CYTH3: variants seen among roughly 807,000 people sequenced by gnomAD.
CYTH3 encodes cytohesin 3, also known as cytohesin-3.
CYTH3 carries 23 observed loss-of-function variants against 55.1 expected under a neutral mutation model. The observed-to-expected ratio is 0.42, with a 90% CI of 0.30 to 0.59. CYTH3 has a LOEUF of 0.59. Ranked by LOEUF, CYTH3 falls within the 20% of genes least tolerant of loss-of-function variation. The probability of loss-of-function intolerance (pLI) is 0.20; values close to 1 mark genes in which losing one functional copy is unlikely to be tolerated. For missense variants in CYTH3, 413 were observed against 524.8 expected, an observed-to-expected ratio of 0.79 and a Z score of 2.08; for synonymous variants, 249 against 194.9, an observed-to-expected ratio of 1.28 and a Z score of -2.31.
chr7:6,232,789 G>A lies in CYTH3; in HGVS notation c.34+39685C>T, dbSNP rs566870387. On this transcript the variant is annotated intron_variant, in intron 1 of 12. Transcript: ENST00000350796. ...GCTCTCTGTACTTCCTGTAGGTTCT[G>A]TAACTTCCCCCACACCCTTCCAATG... is the stretch of plus-strand genomic sequence containing the variant. 8.5e-5 allele frequency among the ~76,000 whole-genome samples: 13 copies of A among 152,232 alleles called. No homozygotes were observed. The East Asian group carries it at 2.3e-3, about 27-fold the overall frequency.
Position 6,205,256 on chromosome 7 carries a change from A to G in CYTH3, c.35-14725T>C, listed in dbSNP as rs139010953. On this transcript the variant is annotated intron_variant, in intron 1 of 12. Coordinates refer to ENST00000350796, the MANE Select transcript of CYTH3 (RefSeq NM_004227.4). ...ATTCTAAATAAATCATTGGTCAAAG[A>G]TAACAACGTAATGTAAATTAGAAAA... Among the ~76,000 whole-genome samples, 134 of 152,332 alleles carry G rather than the reference A, an allele frequency of 8.8e-4. No homozygotes were observed. In the East Asian group the frequency reaches 0.022, roughly 25 times the overall value.
At chr7:6,211,681 T>C (rs890125470) in intron 1 of CYTH3, among the ~76,000 whole-genome samples, 7 of 152,184 alleles carry the variant, frequency 4.6e-5, no homozygotes, top group Admixed American at 1.3e-4. Context: ...TTATTGACTA[T>C]AGTTACCCTG....
intron 1 of CYTH3, among the ~76,000 whole-genome samples, chr7:6,203,604 C>T (rs980344825): frequency 3.9e-5 from 6 of 152,148 alleles, no homozygotes; most frequent in Non-Finnish European, 7.3e-5. Flanking sequence ...TCGATGGTGA[C>T]AGCACTGTGT....
intron 9 of CYTH3, among the ~76,000 whole-genome samples, chr7:6,166,081 C>T (rs1336691945): frequency 1.3e-5 from 2 of 152,142 alleles, no homozygotes; most frequent in African/African-American, 4.8e-5. Flanking sequence ...GGATGGATGG[C>T]GTCATTTTCC....
intron 1 of CYTH3, among the ~76,000 whole-genome samples, chr7:6,218,534 G>C (rs1760696159): frequency 6.6e-6 from 1 of 152,194 alleles, no homozygotes; most frequent in Admixed American, 6.5e-5. Flanking sequence ...AAAATGTGTG[G>C]TAACTTATTA....
rs1783101376 is a variant in CYTH3, at chr7:6,169,286, T to G, written c.823+1249A>C. 6.6e-6 allele frequency among the ~76,000 whole-genome samples: 1 copy of G among 152,118 alleles called. No homozygotes were observed. The highest frequency in any genetic ancestry group is 1.5e-5 in the Non-Finnish European group (1 of 68,014). On this transcript the variant is annotated intron_variant, in intron 9 of 12. Coordinates refer to ENST00000350796, the MANE Select transcript of CYTH3 (RefSeq NM_004227.4). The surrounding 1 kb of genome is among the most constrained non-coding windows in gnomAD (Gnocchi z 4.1). ...CCGAGGTGGGAGAGCAGTGGCACAG[T>G]CATGGTTCATTGGAGCCTCAACCTC...
Position 6,165,253 on chromosome 7 carries a change from G to A in CYTH3, c.1127+20C>T, listed in dbSNP as rs779983703. ...GGCACGAGAAGACGGGCCTGGCCCCGCCCCCGAGGCCCCACTCACTTGATG... is the reference window on the plus strand; with the variant it reads ...GGCACGAGAAGACGGGCCTGGCCCCACCCCCGAGGCCCCACTCACTTGATG... On this transcript the variant is annotated intron_variant, in intron 12 of 12. Transcript: ENST00000350796. The A allele has an allele frequency of 4.8e-5, 77 of 1,597,258 alleles. 1 individual carries two copies. The highest frequency in any genetic ancestry group is 3.6e-4 in the East Asian group (16 of 44,622).
At chr7:6,203,879 C>T (rs147549218) in intron 1 of CYTH3, among the ~76,000 whole-genome samples, 1,926 of 152,054 alleles carry the variant, frequency 0.013, 36 homozygotes, top group African/African-American at 0.044. Context: ...CCACCATGCC[C>T]GGCTAATTTT....
chr7:6,261,249 A>T (rs1463946064), intron 1 of CYTH3, among the ~76,000 whole-genome samples: 1 of 152,156 alleles, frequency 6.6e-6, no homozygotes, highest in African/African-American at 2.4e-5. Context: ...AGAATCCAAG[A>T]AGGTCAGCAG....
chr7:6,257,927 G>A (rs1780172440), intron 1 of CYTH3, among the ~76,000 whole-genome samples: 1 of 152,108 alleles, frequency 6.6e-6, no homozygotes, highest in African/African-American at 2.4e-5. Context: ...CAGGGTGTGG[G>A]CTTGGAAATG....
intron 5 of CYTH3, among the ~76,000 whole-genome samples, chr7:6,174,688 C>T (rs994860923): frequency 6.6e-6 from 1 of 151,936 alleles, no homozygotes; most frequent in African/African-American, 2.4e-5. Context: ...GCTGGGACTA[C>T]AGGCACCCGC....
intron 1 of CYTH3, among the ~76,000 whole-genome samples, chr7:6,198,643 G>GT (rs113787912): frequency 0.027 from 4,167 of 152,084 alleles, 196 homozygotes; most frequent in African/African-American, 0.095. Context: ...AGGTCAAGTG[G>GT]TTTTTTCCTC....
intron 2 of CYTH3, 46 bp from the exon 3 acceptor site, chr7:6,187,767 T>C: frequency 6.6e-7 from 1 of 1,507,950 alleles, no homozygotes; most frequent in Non-Finnish European, 9.2e-7. Context: ...GTCTTAACCT[T>C]CCTCCCCTGA....
chr7:6,181,905 A>C (rs1421819001), intron 4 of CYTH3, among the ~76,000 whole-genome samples: 1 of 152,154 alleles, frequency 6.6e-6, no homozygotes, highest in Non-Finnish European at 1.5e-5. Flanking sequence ...TTTCATTTCC[A>C]AGGTTCTTTT....
At chr7:6,242,367 C>T (rs1185093078) in intron 1 of CYTH3, among the ~76,000 whole-genome samples, 1 of 138,682 alleles carries the variant, frequency 7.2e-6, no homozygotes, top group South Asian at 2.3e-4. Context: ...TGAGCCACCG[C>T]GCCTGGCATT....
intron 2 of CYTH3, 85 bp from the exon 3 acceptor site, chr7:6,187,806 A>C (rs1201089640): frequency 9.0e-7 from 1 of 1,107,738 alleles, no homozygotes. Context: ...CTCTTGTGAC[A>C]AGCTTCCCTG....
chr7:6,210,407 C>T (rs991373546), intron 1 of CYTH3, among the ~76,000 whole-genome samples: 4 of 152,070 alleles, frequency 2.6e-5, no homozygotes, highest in African/African-American at 4.8e-5. Context: ...CTTGAAGATG[C>T]GACAGAATAT....
intron 1 of CYTH3, among the ~76,000 whole-genome samples, chr7:6,269,776 A>G (rs1437828712): frequency 6.6e-6 from 1 of 152,212 alleles, no homozygotes; most frequent in African/African-American, 2.4e-5. Flanking sequence ...CTTATCTTGC[A>G]TTGAAAGAAC....
At chr7:6,179,674 CA>C (rs1783433399) in intron 4 of CYTH3, among the ~76,000 whole-genome samples, 2 of 102,948 alleles carry the variant, frequency 1.9e-5, no homozygotes, top group South Asian at 3.3e-4. Context: ...CCCACACACA[CA>C]CCACACACAC....
Sources: gnomAD v4.1 joint callset for allele counts (sites outside exome capture counted in the v4.1 genomes callset) on GRCh38, gnomAD v4.1.1 for gene constraint, Gnocchi (gnomAD v3.1) non-coding constraint, MANE v1.5 for transcripts, NCBI Gene and HGNC (gene_info 2026-07-23, HGNC 2026-07-21) for gene names.